ERCC2: variants seen among roughly 807,000 people sequenced by gnomAD.
ERCC2 encodes the protein ERCC excision repair 2, TFIIH core complex helicase subunit.
Under a neutral mutation model 99.4 loss-of-function variants are expected in ERCC2, and 90 were observed. That is an observed-to-expected ratio of 0.91 (90% CI 0.76 to 1.08). The LOEUF (loss-of-function observed/expected upper bound fraction) is 1.08. ERCC2 is among the 50% of genes least tolerant of loss of function. ERCC2 has a pLI of 0.00. For missense variants in ERCC2, 993 were observed against 1,038.1 expected, an observed-to-expected ratio of 0.96 and a Z score of 0.60; for synonymous variants, 497 against 432.4, an observed-to-expected ratio of 1.15 and a Z score of -1.85.
intron 12 of ERCC2, among the ~76,000 whole-genome samples, chr19:45,359,440 CTGG>C (rs1972131868): frequency 6.6e-6 from 1 of 152,188 alleles, no homozygotes; most frequent in African/African-American, 2.4e-5. Flanking sequence ...GAGGCCCGAT[CTGG>C]TTTCCTGGGT....
Position 45,354,650 on chromosome 19 carries a change from T to A in ERCC2, c.1665+80A>T, listed in dbSNP as rs1971949917. ...CAGGAAACCTGTCACCATCAGAGTG[T>A]GAGAGGAATGAAGCTGACATAGCGG... On this transcript the variant is annotated intron_variant, in intron 17 of 22. Transcript: ENST00000391945. 3.2e-6 allele frequency: 5 copies of A among 1,567,086 alleles called. No homozygotes were observed. In the South Asian group the frequency reaches 4.5e-5, roughly 14 times the overall value.
chr19:45,361,655 A>G lies in ERCC2; in HGVS notation c.1119-13T>C. 1 of 1,593,372 alleles carries G rather than the reference A, an allele frequency of 6.3e-7. No individual in the cohort carries two copies. Among genetic ancestry groups the G allele is most frequent in the Non-Finnish European group, 8.6e-7 (1 of 1,161,476 alleles). The stretch of plus-strand genomic sequence containing the variant: ...TTCAGCACAGAATCTGGCGGGGAGG[A>G]GAGACGGGGTCGGGGGGCAGACGGA... On this transcript the variant is annotated splice_polypyrimidine_tract_variant and intron_variant, in intron 11 of 22. Coordinates refer to ENST00000391945, the MANE Select transcript of ERCC2 (RefSeq NM_000400.4).
chr19:45,352,678 G>T, intron 20 of ERCC2, 29 bp from the exon 21 acceptor site: 1 of 1,614,002 alleles, frequency 6.2e-7, no homozygotes, highest in Non-Finnish European at 8.5e-7. Flanking sequence ...AGAAGCTGGG[G>T]AGGTGGGGGA....
At chr19:45,357,941 G>A (rs1167550628) in intron 12 of ERCC2, 8 of 590,342 alleles carry the variant, frequency 1.4e-5, no homozygotes, top group Admixed American at 1.1e-4. Context: ...CCCAAGTAGA[G>A]AGCCCACAGC....
chr19:45,350,448 T>G lies in ERCC2; in HGVS notation c.*1181A>C, dbSNP rs759024466. 1.2e-6 allele frequency: 2 copies of G among 1,613,260 alleles called. No homozygotes were observed. The highest frequency in any genetic ancestry group is 1.1e-5 in the South Asian group (1 of 91,032). The stretch of plus-strand genomic sequence containing the variant: ...CCCCTCTCGGTGAGCCCCTAGCCCC[T>G]GTCTGTCTTCCCTCCTGGTGGCTTC... On this transcript the variant is annotated 3_prime_UTR_variant, in exon 23 of 23. Coordinates refer to ENST00000391945, the MANE Select transcript of ERCC2 (RefSeq NM_000400.4).
rs1971769893 is a variant in ERCC2 at position 45,351,422 on chromosome 19, TGA to T, written c.*205_*206del. 3 of 1,592,974 alleles carry T rather than the reference TGA, an allele frequency of 1.9e-6. No individual in the cohort carries two copies. The highest frequency in any genetic ancestry group is 1.3e-5 in the African/African-American group (1 of 74,618). On this transcript the variant is annotated 3_prime_UTR_variant, in exon 23 of 23. Transcript: ENST00000391945. ...GTGCAGGAGGGATGGGCTGGTGGGG[TGA>T]GAGGGGGTCTATCATCTCCTGGCCC...
rs781762321 is a variant in ERCC2 at position 45,351,660 on chromosome 19, T to C, written c.2252A>G (p.Lys751Arg). The C allele has an allele frequency of 8.7e-6, 14 of 1,613,932 alleles. No individual in the cohort carries two copies. The highest frequency in any genetic ancestry group is 6.7e-5 in the Admixed American group (4 of 60,006). Reference sequence around the variant, plus strand: ...CTGCTGAGCAATCTGCTCTATCCTCTTCAGCGTCTCCTCTGATTCTAGCTG... The same window carrying C: ...CTGCTGAGCAATCTGCTCTATCCTCCTCAGCGTCTCCTCTGATTCTAGCTG... Reference protein sequence around the residue: ...LEQLESEETLKRIEQIAQQL With the variant: ...LEQLESEETLRRIEQIAQQL The change falls in exon 23 of 23, where the codon AAG (lysine) becomes AGG (arginine). Residue 751 changes from lysine to arginine, a missense_variant. This residue lies in a region of ERCC2 where 909 missense variants were observed against 930.8 expected (regional missense o/e 0.98). Coordinates refer to ENST00000391945, the MANE Select transcript of ERCC2 (RefSeq NM_000400.4).
rs1013690897 is a variant in ERCC2, at chr19:45,357,796, A to C, written c.1238-97T>G. On this transcript the variant is annotated intron_variant, in intron 12 of 22. Transcript: ENST00000391945. ...TCTCCTGCTCCCTCGCTTCACCCCA[A>C]TCTCCACCCCGTACTGCCTGGGAGT... 2.7e-6 allele frequency: 3 copies of C among 1,096,342 alleles called. No homozygotes were observed. The African/African-American group carries it at 4.6e-5, about 17-fold the overall frequency. 67.9% of individuals were successfully genotyped at this position (1,096,342 alleles called of 1,614,324 possible). A position where few individuals can be genotyped will look rare whatever the true frequency, so the allele number is the denominator to read the frequency against.
Position 45,354,841 on chromosome 19 carries a change from C to A in ERCC2, c.1554G>T (p.Arg518=), listed in dbSNP as rs377009283. 2 of 1,613,942 alleles carry A rather than the reference C, an allele frequency of 1.2e-6. No homozygotes were observed. Among genetic ancestry groups the A allele is most frequent in the African/African-American group, 2.7e-5 (2 of 74,916 alleles). The change falls in exon 17 of 23, where the codon CGG becomes CGT. Residue 518 remains arginine (R), a synonymous_variant. Transcript: ENST00000391945. ...FETREDIAVI[R]NYGNLLLEMS... ...TCTCCAGCAGGAGGTTCCCATAGTTCCGGATCACAGCTGCAAGGGGTCAGA... is the reference window on the plus strand; with the variant it reads ...TCTCCAGCAGGAGGTTCCCATAGTTACGGATCACAGCTGCAAGGGGTCAGA...
chr19:45,354,491 G>C (rs892680717), intron 17 of ERCC2, among the ~76,000 whole-genome samples: 1 of 152,192 alleles, frequency 6.6e-6, no homozygotes. Context: ...CTCTGCCACA[G>C]GGTACTCCTC....
In ERCC2 at chr19:45,357,642, A is replaced by T. The variant is rs1320544088; in HGVS notation, c.1295T>A (p.Ile432Asn). 2 of 1,614,084 alleles carry T rather than the reference A, an allele frequency of 1.2e-6. No homozygotes were observed. Among genetic ancestry groups the T allele is most frequent in the East Asian group, 2.2e-5 (1 of 44,880 alleles). Residue 432 changes from isoleucine (I) to asparagine (N), a missense_variant, in exon 13 of 23, where the codon ATC becomes AAC. Ile to Asn is a moderately radical substitution (Grantham distance 149). Transcript: ENST00000391945. ...GGCAGGGTCCCACCTGAAGTGCAGG[A>T]TGGGGTTGGCAATGGTCGGGGTTCT... is the stretch of plus-strand genomic sequence containing the variant. ...DDRTPTIANP[I>N]LHFSCMDASL...
intron 12 of ERCC2, 169 bp from the exon 13 acceptor site, chr19:45,357,868 G>A (rs1327266293): frequency 2.9e-6 from 2 of 680,140 alleles, no homozygotes; most frequent in Non-Finnish European, 5.3e-6. Context: ...AGGCATCTGA[G>A]TCCAAAATAC....
chr19:45,352,847 G>A (rs748079920), intron 19 of ERCC2, 31 bp from the exon 20 acceptor site: 13 of 1,604,788 alleles, frequency 8.1e-6, no homozygotes, highest in Non-Finnish European at 6.8e-6. Flanking sequence ...GGCGAGGGGG[G>A]TTACAAGTGT....
chr19:45,362,079 C>T (rs897763747), intron 11 of ERCC2: 1 of 225,276 alleles, frequency 4.4e-6, no homozygotes, highest in Non-Finnish European at 9.0e-6. Context: ...GTGCCTGCCA[C>T]CACACTCAGC....
Position 45,364,244 on chromosome 19 carries a change from G to C in ERCC2, c.806C>G (p.Thr269Arg), listed in dbSNP as rs1161399233. The stretch of plus-strand genomic sequence containing the variant: ...ACGTCCCCGGCCCCACCTGAGCACC[G>C]TCTTCTGCAGGGTCTCCAGGTTGCC... Reference protein sequence around the residue: ...CQGNLETLQKTVLRIKETDEQ... With the variant: ...CQGNLETLQKRVLRIKETDEQ... Residue 269 changes from threonine (T) to arginine (R), a missense_variant, in exon 9 of 23, where the codon ACG (threonine) becomes AGG (arginine). Physicochemically the swap from Thr to Arg is moderately conservative, Grantham distance 71. Transcript: ENST00000391945. 5.0e-6 allele frequency: 8 copies of C among 1,613,674 alleles called. No homozygotes were observed. The highest frequency in any genetic ancestry group is 6.8e-6 in the Non-Finnish European group (8 of 1,179,900).
At chr19:45,355,806 G>A in intron 15 of ERCC2, 78 bp from the exon 16 acceptor site, 1 of 839,140 alleles carries the variant, frequency 1.2e-6, no homozygotes. Context: ...TGCTGGTGCT[G>A]TTCTAAGCTT....
rs966558219 is a variant in ERCC2 at position 45,351,630 on chromosome 19, C to G, written c.2282G>C (p.Ter761SerextTer7). 8 of 1,613,998 alleles carry G rather than the reference C, an allele frequency of 5.0e-6. No homozygotes were observed. In the East Asian group the frequency reaches 1.1e-4, roughly 22 times the overall value. The part of the protein sequence containing the change: ...KRIEQIAQQL[*>S] ...CGTTTATGGCCCCACCCGCCCCACT[C>G]AGAGCTGCTGAGCAATCTGCTCTAT... is the stretch of plus-strand genomic sequence containing the variant. The change falls in exon 23 of 23, where the codon TGA becomes TCA. Residue 761 changes from the stop codon to serine (S), a stop_lost. Transcript: ENST00000391945.
chr19:45,363,794 G>A lies in ERCC2; in HGVS notation c.1067C>T (p.Ala356Val), dbSNP rs910326340. Residue 356 changes from alanine to valine, a missense_variant, in exon 11 of 23, where the codon GCC (alanine) becomes GTC (valine). Transcript: ENST00000391945. The part of the protein sequence containing the change: ...VQHVVQESPP[A>V]FLSGLAQRVC... ...GCGCTGGGCCAGGCCGCTCAGGAAG[G>A]CGGGCGGGCTCTCCTGCACCACATG... is the stretch of plus-strand genomic sequence containing the variant. The A allele has an allele frequency of 7.1e-6, 11 of 1,539,068 alleles. No homozygotes were observed. The highest frequency in any genetic ancestry group is 9.6e-6 in the Non-Finnish European group (11 of 1,148,778).
rs1469238711 is a variant in ERCC2, at chr19:45,352,655, G to A, written c.1903-6C>T. On this transcript the variant is annotated splice_region_variant and splice_polypyrimidine_tract_variant and intron_variant, in intron 20 of 22. Transcript: ENST00000391945. ...CGCAGGTATTCCAGCCGCGCCTGCA[G>A]ATACGGAGGATGAGAAGCTGGGGAG... 4 of 1,613,918 alleles carry A rather than the reference G, an allele frequency of 2.5e-6. No individual in the cohort carries two copies. Among genetic ancestry groups the A allele is most frequent in the Admixed American group, 3.3e-5 (2 of 60,008 alleles).
Sources: gnomAD v4.1 joint callset for allele counts (sites outside exome capture counted in the v4.1 genomes callset) on GRCh38, gnomAD v4.1.1 for gene constraint, gnomAD v4.1.1 regional missense constraint, MANE v1.5 for transcripts, NCBI Gene and HGNC (gene_info 2026-07-23, HGNC 2026-07-21) for gene names.